CSTPP1: variants seen among roughly 807,000 people sequenced by gnomAD.
CSTPP1 encodes the protein UPF0705 protein C11orf49.
At chr11:47,143,256 C>G in the CSTPP1 span, among the ~76,000 whole-genome samples, 1 of 152,142 alleles carries the variant, frequency 6.6e-6, no homozygotes, top group African/African-American at 2.4e-5. Context: ...TCCCAGCTTC[C>G]CCACACACAT....
the CSTPP1 span, among the ~76,000 whole-genome samples, chr11:47,093,437 A>T: frequency 4.6e-5 from 7 of 152,218 alleles, no homozygotes; most frequent in African/African-American, 1.7e-4. Flanking sequence ...TTTATTGAGT[A>T]CCTTGTGTGC....
chr11:47,147,963 G>A, the CSTPP1 span, among the ~76,000 whole-genome samples: 41 of 152,162 alleles, frequency 2.7e-4, no homozygotes, highest in Non-Finnish European at 4.3e-4. Context: ...AGCGTCTTAG[G>A]CATTTCAGGG....
At chr11:47,099,873 A>G in the CSTPP1 span, among the ~76,000 whole-genome samples, 1 of 152,174 alleles carries the variant, frequency 6.6e-6, no homozygotes, top group Non-Finnish European at 1.5e-5. Flanking sequence ...AGTGATACTC[A>G]TTTCTCCTCA....
chr11:47,093,529 CA>C, the CSTPP1 span, among the ~76,000 whole-genome samples: 1 of 152,182 alleles, frequency 6.6e-6, no homozygotes, highest in African/African-American at 2.4e-5. Context: ...CCATGATGAA[CA>C]AACAATACTT....
At chr11:47,164,001 A>G in the CSTPP1 span, 2 of 1,426,218 alleles carry the variant, frequency 1.4e-6, no homozygotes, top group South Asian at 1.4e-5. Flanking sequence ...TACTGCCGTG[A>G]CAAGGGGCAG....
At chr11:47,150,151 C>T in the CSTPP1 span, among the ~76,000 whole-genome samples, 2 of 152,110 alleles carry the variant, frequency 1.3e-5, no homozygotes, top group Non-Finnish European at 2.9e-5. Flanking sequence ...CTCTAGTTTA[C>T]TCCCCTTAAA....
At chr11:47,090,976 T>C in the CSTPP1 span, among the ~76,000 whole-genome samples, 406 of 147,472 alleles carry the variant, frequency 2.8e-3, 3 homozygotes, top group African/African-American at 9.4e-3. Context: ...GAGGCAGAGT[T>C]TGCAGTGAGC....
At chr11:47,000,897 G>A in the CSTPP1 span, among the ~76,000 whole-genome samples, 1 of 152,068 alleles carries the variant, frequency 6.6e-6, no homozygotes, top group South Asian at 2.1e-4. Flanking sequence ...TATAAACAGG[G>A]TATTAGTATT....
the CSTPP1 span, among the ~76,000 whole-genome samples, chr11:47,063,159 A>G: frequency 3.3e-5 from 5 of 152,292 alleles, no homozygotes; most frequent in East Asian, 3.9e-4. Context: ...TATCTCCATG[A>G]TATCACATAA....
chr11:46,969,955 C>T, the CSTPP1 span, among the ~76,000 whole-genome samples: 1 of 152,076 alleles, frequency 6.6e-6, no homozygotes, highest in Non-Finnish European at 1.5e-5. Flanking sequence ...TTAGTACAGA[C>T]ATGGTTTCGC....
the CSTPP1 span, among the ~76,000 whole-genome samples, chr11:47,028,010 A>G: frequency 3.6e-5 from 5 of 139,146 alleles, no homozygotes; most frequent in Non-Finnish European, 7.5e-5. Flanking sequence ...TGCAAGCTCC[A>G]CCTCCTGGGT....
chr11:46,952,900 A>T, the CSTPP1 span, among the ~76,000 whole-genome samples: 1 of 152,120 alleles, frequency 6.6e-6, no homozygotes, highest in African/African-American at 2.4e-5. Context: ...TTATTTTTCT[A>T]TTGAGAGTTA....
the CSTPP1 span, among the ~76,000 whole-genome samples, chr11:47,101,193 T>TTTTTTTTTTTTTTTTTTTTTTTG: frequency 8.2e-6 from 1 of 122,606 alleles, no homozygotes; most frequent in African/African-American, 3.3e-5. Context: ...TTTTTTTATT[T>TTTTTTTTTTTTTTTTTTTTTTTG]TATTTTTAGT....
the CSTPP1 span, among the ~76,000 whole-genome samples, chr11:47,026,699 G>A: frequency 2.0e-5 from 3 of 152,060 alleles, no homozygotes; most frequent in African/African-American, 7.2e-5. Context: ...CCAACCTGGC[G>A]AAACCCCATC....
At chr11:47,063,638 G>A in the CSTPP1 span, among the ~76,000 whole-genome samples, 364 of 152,256 alleles carry the variant, frequency 2.4e-3, 4 homozygotes, top group Admixed American at 0.017. Flanking sequence ...CATCCATGTT[G>A]TAATATGTAT....
the CSTPP1 span, among the ~76,000 whole-genome samples, chr11:46,994,884 C>T: frequency 6.6e-6 from 1 of 152,162 alleles, no homozygotes; most frequent in African/African-American, 2.4e-5. Context: ...TGGTAGAATT[C>T]AGCTGTGAAT....
the CSTPP1 span, among the ~76,000 whole-genome samples, chr11:47,065,900 C>T: frequency 6.6e-6 from 1 of 151,310 alleles, no homozygotes; most frequent in Admixed American, 6.6e-5. Context: ...CATGCCACCA[C>T]CCCAGCATGT....
chr11:46,985,713 CAT>C, the CSTPP1 span, among the ~76,000 whole-genome samples: 1 of 152,278 alleles, frequency 6.6e-6, no homozygotes, highest in East Asian at 1.9e-4. Context: ...TTTAAGGAAA[CAT>C]GTTATCAATC....
the CSTPP1 span, among the ~76,000 whole-genome samples, chr11:46,976,303 A>G: frequency 6.6e-6 from 1 of 152,160 alleles, no homozygotes; most frequent in African/African-American, 2.4e-5. Context: ...AAGACTTTAA[A>G]TGATTAAAAA....
Sources: gnomAD v4.1 joint callset for allele counts (sites outside exome capture counted in the v4.1 genomes callset) on GRCh38, gnomAD v4.1.1 for gene constraint, MANE v1.5 for transcripts, NCBI Gene and HGNC (gene_info 2026-07-23, HGNC 2026-07-21) for gene names.